Variants in TMCC1 observed in about 807,000 individuals in gnomAD.
TMCC1 encodes the protein transmembrane and coiled-coil domains protein 1.
TMCC1 carries 15 observed loss-of-function variants against 52.4 expected under a neutral mutation model. That is an observed-to-expected ratio of 0.29 (90% CI 0.19 to 0.44). TMCC1 has a LOEUF of 0.44. Ranked by LOEUF, TMCC1 falls within the 20% of genes least tolerant of loss-of-function variation. The probability of loss-of-function intolerance (pLI) is 1.00; values close to 1 mark genes in which losing one functional copy is unlikely to be tolerated. For synonymous variants in TMCC1, 279 were observed against 301.9 expected (o/e 0.92, Z 0.79); for missense variants, 503 against 806.0 (o/e 0.62, Z 4.55).
intron 4 of TMCC1, among the ~76,000 whole-genome samples, chr3:129,770,522 G>T (rs9283576): frequency 0.63 from 95,775 of 151,770 alleles, 35,452 homozygotes; most frequent in Non-Finnish European, 0.83. Flanking sequence ...AGGCTGCAGT[G>T]AGCTGTGATC....
intron 2 of TMCC1, among the ~76,000 whole-genome samples, chr3:129,845,607 G>A (rs1325181566): frequency 6.6e-6 from 1 of 152,094 alleles, no homozygotes; most frequent in Non-Finnish European, 1.5e-5. Context: ...AACCATTGGC[G>A]AGAAGGAAAG....
chr3:129,703,194 A>C (rs115154183), intron 4 of TMCC1, among the ~76,000 whole-genome samples: 1,924 of 152,298 alleles, frequency 0.013, 40 homozygotes, highest in African/African-American at 0.042. Context: ...GTGGTTCCAA[A>C]AATTGTTTAA....
chr3:129,804,473 C>A (rs760127049), intron 4 of TMCC1, among the ~76,000 whole-genome samples: 6 of 152,122 alleles, frequency 3.9e-5, no homozygotes, highest in Non-Finnish European at 8.8e-5. Context: ...ATTGTTGTTG[C>A]ATATTTTATT....
At chr3:129,835,054 C>T (rs909348411) in intron 2 of TMCC1, among the ~76,000 whole-genome samples, 4 of 152,158 alleles carry the variant, frequency 2.6e-5, no homozygotes, top group Non-Finnish European at 5.9e-5. Flanking sequence ...TCTCTACTCT[C>T]TCACCACCCT....
chr3:129,819,992 T>C (rs565726865), intron 4 of TMCC1: 1 of 151,564 alleles, frequency 6.6e-6, no homozygotes, highest in Non-Finnish European at 1.5e-5. Flanking sequence ...CCAGGAAGGC[T>C]ACGGATTCAT....
intron 2 of TMCC1, among the ~76,000 whole-genome samples, chr3:129,862,203 G>C (rs2060427035): frequency 6.6e-6 from 1 of 152,206 alleles, no homozygotes; most frequent in African/African-American, 2.4e-5. Flanking sequence ...TACAGGGATA[G>C]AGCAGGTGGG....
At chr3:129,889,350 T>C (rs189514379) in intron 1 of TMCC1, among the ~76,000 whole-genome samples, 5 of 152,192 alleles carry the variant, frequency 3.3e-5, no homozygotes, top group South Asian at 2.1e-4. Context: ...GTCTGAGAAA[T>C]TGTCACAACC....
chr3:129,667,228 A>G (rs1246995890), intron 5 of TMCC1, among the ~76,000 whole-genome samples: 1 of 151,446 alleles, frequency 6.6e-6, no homozygotes, highest in African/African-American at 2.4e-5. Flanking sequence ...CTTAAAAAAA[A>G]AAAAAAAAAA....
intron 4 of TMCC1, among the ~76,000 whole-genome samples, chr3:129,754,518 C>T (rs1576697071): frequency 6.6e-6 from 1 of 152,146 alleles, no homozygotes; most frequent in East Asian, 1.9e-4. Flanking sequence ...ATACGGTCCA[C>T]AGATCAATGG....
intron 2 of TMCC1, among the ~76,000 whole-genome samples, chr3:129,869,899 C>T (rs1037908869): frequency 6.6e-6 from 1 of 152,192 alleles, no homozygotes; most frequent in African/African-American, 2.4e-5. Flanking sequence ...AGATACTGTC[C>T]TCAACAGCAG....
intron 4 of TMCC1, among the ~76,000 whole-genome samples, chr3:129,736,884 GA>G (rs1312153608): frequency 6.6e-6 from 1 of 150,864 alleles, no homozygotes; most frequent in African/African-American, 2.4e-5. Context: ...AAATATACTG[GA>G]AAAAAAACCA....
intron 4 of TMCC1, among the ~76,000 whole-genome samples, chr3:129,803,184 TAAAA>T (rs1490493382): frequency 6.6e-6 from 1 of 152,168 alleles, no homozygotes; most frequent in African/African-American, 2.4e-5. Flanking sequence ...TATTCACCCT[TAAAA>T]AGAAAGGAAA....
intron 4 of TMCC1, among the ~76,000 whole-genome samples, chr3:129,774,720 A>T (rs2054884575): frequency 6.6e-6 from 1 of 152,198 alleles, no homozygotes; most frequent in South Asian, 2.1e-4. Context: ...AATGGAAGTG[A>T]GAATAGGCAA....
intron 1 of TMCC1, among the ~76,000 whole-genome samples, chr3:129,887,549 A>C (rs2061771044): frequency 6.6e-6 from 1 of 151,756 alleles, no homozygotes; most frequent in African/African-American, 2.4e-5. Flanking sequence ...TCTCAAAAAA[A>C]AAAAAAAAAC....
At chr3:129,727,204 G>C (rs550304317) in intron 4 of TMCC1, among the ~76,000 whole-genome samples, 1 of 152,222 alleles carries the variant, frequency 6.6e-6, no homozygotes, top group Non-Finnish European at 1.5e-5. Flanking sequence ...TTCATGGTTT[G>C]GTATTCCTGC....
chr3:129,881,864 A>T (rs948602377), intron 1 of TMCC1, among the ~76,000 whole-genome samples: 2 of 152,230 alleles, frequency 1.3e-5, no homozygotes, highest in African/African-American at 4.8e-5. Context: ...TCAGTAAGGT[A>T]TGGGACAACT....
chr3:129,832,000 G>A (rs1185566280), intron 3 of TMCC1, among the ~76,000 whole-genome samples: 4 of 151,898 alleles, frequency 2.6e-5, no homozygotes, highest in South Asian at 2.1e-4. Context: ...GATTACAGGC[G>A]CCCACCACCA....
chr3:129,684,070 C>A (rs1241736061), intron 4 of TMCC1, among the ~76,000 whole-genome samples: 1 of 152,016 alleles, frequency 6.6e-6, no homozygotes, highest in African/African-American at 2.4e-5. Flanking sequence ...GTTTAAAGAT[C>A]CTGGAAATAA....
chr3:129,810,328 A>T (rs1243104396), intron 4 of TMCC1, among the ~76,000 whole-genome samples: 1 of 151,130 alleles, frequency 6.6e-6, no homozygotes, highest in Non-Finnish European at 1.5e-5. Flanking sequence ...ACTGGGCAAC[A>T]GAGTGAGAGA....
Sources: allele counts gnomAD v4.1 joint callset (sites outside exome capture counted in the v4.1 genomes callset), GRCh38; gene constraint gnomAD v4.1.1; transcripts MANE v1.5; gene names NCBI Gene and HGNC (gene_info 2026-07-23, HGNC 2026-07-21).